Variants in ADAMTS6 observed in about 807,000 individuals in gnomAD.
ADAMTS6 encodes ADAM metallopeptidase with thrombospondin type 1 motif 6.
Under a neutral mutation model 144.3 loss-of-function variants are expected in ADAMTS6, and 23 were observed. The observed-to-expected ratio is 0.16, with a 90% confidence interval of 0.11 to 0.23. ADAMTS6 has a LOEUF of 0.23. ADAMTS6 is among the 10% of genes least tolerant of loss of function. The pLI is 1.00. For synonymous variants in ADAMTS6, 444 were observed against 457.5 expected, an observed-to-expected ratio of 0.97 and a Z score of 0.38; for missense variants, 999 against 1,379.6, an observed-to-expected ratio of 0.72 and a Z score of 4.37.
At chr5:65,431,766 T>C (rs1180979283) in intron 7 of ADAMTS6, among the ~76,000 whole-genome samples, 1 of 151,992 alleles carries the variant, frequency 6.6e-6, no homozygotes, top group African/African-American at 2.4e-5. Flanking sequence ...AGGGAAAAAT[T>C]GGGAATTTGG....
chr5:65,318,297 C>G (rs1423649090), intron 9 of ADAMTS6, among the ~76,000 whole-genome samples: 26 of 152,080 alleles, frequency 1.7e-4, no homozygotes, highest in Non-Finnish European at 3.8e-4. Context: ...TAAATTAGTA[C>G]AGCCACTATG....
At chr5:65,294,680 A>T (rs1020972250) in intron 10 of ADAMTS6, among the ~76,000 whole-genome samples, 1 of 152,202 alleles carries the variant, frequency 6.6e-6, no homozygotes, top group African/African-American at 2.4e-5. Flanking sequence ...CATGCCTCTG[A>T]GTCATCAATT....
chr5:65,330,731 G>A (rs1025138386), intron 8 of ADAMTS6, among the ~76,000 whole-genome samples: 10 of 151,998 alleles, frequency 6.6e-5, no homozygotes, highest in African/African-American at 1.9e-4. Flanking sequence ...CTAATAGATC[G>A]TTTGCTTTTC....
rs1760427508 is a variant in ADAMTS6, at chr5:65,471,473, TA to T, written c.98-332del. Among the ~76,000 whole-genome samples, 4 of 152,144 alleles carry T rather than the reference TA, an allele frequency of 2.6e-5. No homozygotes were observed. The South Asian group carries it at 8.3e-4, about 31-fold the overall frequency. On this transcript the variant is annotated intron_variant, in intron 2 of 24. Transcript: ENST00000381055. ...AAAAATAATGAGAAGCACACATATG[TA>T]AAAGAAAAGAGTTTAGCTCAGAATC...
chr5:65,247,975 C>T (rs1020424864), intron 14 of ADAMTS6, among the ~76,000 whole-genome samples: 7 of 152,274 alleles, frequency 4.6e-5, no homozygotes, highest in South Asian at 4.1e-4. Context: ...AAATCCAACC[C>T]CTGCCATGCT....
intron 18 of ADAMTS6, among the ~76,000 whole-genome samples, chr5:65,218,133 G>C (rs1335510407): frequency 1.3e-5 from 2 of 152,130 alleles, no homozygotes; most frequent in Non-Finnish European, 2.9e-5. Flanking sequence ...ATATTGATCT[G>C]CATATGTATA....
In ADAMTS6 at chr5:65,447,445, T is replaced by C. The variant is rs574450958; in HGVS notation, c.1073+4030A>G. Among the ~76,000 whole-genome samples, 3 of 152,268 alleles carry C rather than the reference T, an allele frequency of 2.0e-5. No homozygotes were observed. The South Asian group carries it at 6.2e-4, about 32-fold the overall frequency. On this transcript the variant is annotated intron_variant, in intron 7 of 24. Coordinates refer to ENST00000381055, the MANE Select transcript of ADAMTS6 (RefSeq NM_197941.4). ...TTGAGATATATCTAAACATCATTTG[T>C]ATACCATAAAGACACACAATTTTTG...
rs1752022759 is a variant in ADAMTS6, at chr5:65,149,462, C to CG, written c.*2373dup. ...CTAGAAAGGCACTCTGATGCTGCCC[C>CG]GGGGGATGCCTGCATTTTGTTCTCA... On this transcript the variant is annotated 3_prime_UTR_variant, in exon 25 of 25. Transcript: ENST00000381055. 6.6e-6 allele frequency: 1 copy of CG among 152,250 alleles called. No individual in the cohort carries two copies. The highest frequency in any genetic ancestry group is 2.4e-5 in the African/African-American group (1 of 41,448). The allele number at this position is 152,250 out of a possible 1,614,324, so 9.4% of individuals were successfully genotyped here. A position where few individuals can be genotyped will look rare whatever the true frequency, so the allele number is the denominator to read the frequency against.
intron 15 of ADAMTS6, among the ~76,000 whole-genome samples, chr5:65,235,663 T>C (rs942994959): frequency 2.6e-5 from 4 of 152,184 alleles, no homozygotes; most frequent in African/African-American, 4.8e-5. Context: ...CTCGAACATT[T>C]GACTCCAAAT....
chr5:65,368,752 G>A (rs1279528712), intron 7 of ADAMTS6, among the ~76,000 whole-genome samples: 1 of 152,118 alleles, frequency 6.6e-6, no homozygotes, highest in African/African-American at 2.4e-5. Context: ...ACTTCTTGGT[G>A]CATAAGAAAA....
chr5:65,450,471 G>A (rs72760590), intron 7 of ADAMTS6, among the ~76,000 whole-genome samples: 2,334 of 152,098 alleles, frequency 0.015, 24 homozygotes, highest in South Asian at 0.035. Flanking sequence ...CAGATGAAAC[G>A]TATGTTAAAT....
At chr5:65,213,895 G>A (rs565262059) in intron 20 of ADAMTS6, 6 of 154,886 alleles carry the variant, frequency 3.9e-5, no homozygotes, top group Non-Finnish European at 8.8e-5. Flanking sequence ...CTTTGCTTCT[G>A]GAATGGTGAG....
chr5:65,307,604 A>G (rs1744057051), intron 9 of ADAMTS6, among the ~76,000 whole-genome samples: 2 of 152,316 alleles, frequency 1.3e-5, no homozygotes, highest in South Asian at 4.1e-4. Flanking sequence ...ATTCACATAT[A>G]CAGCAAGGCT....
At position 65,428,405 on chromosome 5, in the gene ADAMTS6, G is replaced by T. The variant is rs149949491; in HGVS notation, c.1073+23070C>A. Among the ~76,000 whole-genome samples, 1,086 of 152,162 alleles carry T rather than the reference G, an allele frequency of 7.1e-3. 13 individuals are homozygous for T. The highest frequency in any genetic ancestry group is 0.025 in the African/African-American group (1,020 of 41,514). ...CCAACAAAAAAGGTTCACTAAGAAA[G>T]TGTTACCATTTTTAGTCTTTTTTTA... On this transcript the variant is annotated intron_variant, in intron 7 of 24. Coordinates refer to ENST00000381055, the MANE Select transcript of ADAMTS6 (RefSeq NM_197941.4).
chr5:65,160,950 C>T (rs1294542627), intron 24 of ADAMTS6, among the ~76,000 whole-genome samples: 1 of 152,156 alleles, frequency 6.6e-6, no homozygotes, highest in Non-Finnish European at 1.5e-5. Context: ...CCATGCCCGG[C>T]CTCTTTTCTT....
At chr5:65,344,523 T>C (rs911197505) in intron 7 of ADAMTS6, among the ~76,000 whole-genome samples, 4 of 152,054 alleles carry the variant, frequency 2.6e-5, no homozygotes, top group Admixed American at 2.0e-4. Flanking sequence ...TTTTACCGTA[T>C]GGATGTAGAA....
intron 20 of ADAMTS6, chr5:65,210,513 T>C (rs906995292): frequency 3.8e-5 from 15 of 392,000 alleles, no homozygotes; most frequent in Admixed American, 6.0e-5. Context: ...ATGAATATAA[T>C]GTGGAAAGCA....
chr5:65,239,817 C>T (rs1275644592), intron 15 of ADAMTS6, among the ~76,000 whole-genome samples: 2 of 152,162 alleles, frequency 1.3e-5, no homozygotes, highest in Non-Finnish European at 2.9e-5. Flanking sequence ...AAATACCACT[C>T]TACTCCCACC....
chr5:65,362,055 T>C lies in ADAMTS6; in HGVS notation c.1074-27970A>G, dbSNP rs186472123. 2.6e-4 allele frequency among the ~76,000 whole-genome samples: 39 copies of C among 152,340 alleles called. 1 individual carries two copies. The highest frequency in any genetic ancestry group is 2.5e-3 in the Admixed American group (39 of 15,306). On this transcript the variant is annotated intron_variant, in intron 7 of 24. Transcript: ENST00000381055. The stretch of plus-strand genomic sequence containing the variant: ...CGGCCTACCATGGTAATTTTTAATT[T>C]ATCACTCAAGAAAACTGCTTGGTAT...
Sources: allele counts gnomAD v4.1 joint callset (sites outside exome capture counted in the v4.1 genomes callset), GRCh38; gene constraint gnomAD v4.1.1; transcripts MANE v1.5; gene names NCBI Gene and HGNC (gene_info 2026-07-23, HGNC 2026-07-21).